RIF1: variants seen among roughly 807,000 people sequenced by gnomAD.
RIF1 encodes the protein telomere-associated protein RIF1.
Under a neutral mutation model 247.1 loss-of-function variants are expected in RIF1, and 45 were observed. The observed-to-expected ratio is 0.18, with a 90% CI of 0.14 to 0.23. The LOEUF (loss-of-function observed/expected upper bound fraction) is 0.23, where lower values mean the gene tolerates loss of function less well. RIF1 is among the 10% of genes least tolerant of loss of function. The pLI is 1.00. For missense variants in RIF1, 2,967 were observed against 2,862.5 expected, an observed-to-expected ratio of 1.04 and a Z score of -0.83; for synonymous variants, 1,087 against 978.8, an observed-to-expected ratio of 1.11 and a Z score of -2.06.
chr2:151,507,157 G>T, intron 13 of RIF1: 1 of 566,082 alleles, frequency 1.8e-6, no homozygotes, highest in South Asian at 2.5e-5. Context: ...TAGCCCAAGG[G>T]AAATTATTTG....
At chr2:151,472,314 A>C (rs1027452968) in intron 34 of RIF1, among the ~76,000 whole-genome samples, 1 of 152,208 alleles carries the variant, frequency 6.6e-6, no homozygotes, top group African/African-American at 2.4e-5. Flanking sequence ...TGTCATCTGC[A>C]AACAGGAACA....
chr2:151,462,441 A>G lies in RIF1; in HGVS notation c.3338A>G (p.Lys1113Arg). 6.4e-7 allele frequency: 1 copy of G among 1,564,560 alleles called. No individual in the cohort carries two copies. Among genetic ancestry groups the G allele is most frequent in the Non-Finnish European group, 8.7e-7 (1 of 1,153,716 alleles). The change falls in exon 29 of 36, where the codon AAG (lysine) becomes AGG (arginine). Residue 1113 changes from lysine (K) to arginine (R), a missense_variant. Around this residue, in one of 7 missense-constraint regions of RIF1, gnomAD observed 2,028 missense variants for 1,825.6 expected, o/e 1.11. Coordinates refer to ENST00000444746, the MANE Select transcript of RIF1 (RefSeq NM_018151.5). ...ATTCCTACTTTAACCAGAAAACCAA[A>G]GGAGGATTCTAAGATGATGATTACG... Reference protein sequence around the residue: ...MEIPTLTRKPKEDSKMMITEE... With the variant: ...MEIPTLTRKPREDSKMMITEE...
intron 33 of RIF1, 46 bp downstream of exon 33, chr2:151,468,802 T>G: frequency 7.8e-7 from 1 of 1,285,966 alleles, no homozygotes; most frequent in Middle Eastern, 1.8e-4. Flanking sequence ...AGATGCCACT[T>G]ATTTAAGAGG....
At chr2:151,457,631 G>A in intron 23 of RIF1, 130 bp from the exon 24 acceptor site, 1 of 628,650 alleles carries the variant, frequency 1.6e-6, no homozygotes, top group South Asian at 2.0e-5. Flanking sequence ...TTATAAAGAG[G>A]GATATATATT....
In RIF1 at chr2:151,443,196, A is replaced by G. The variant is rs566788998; in HGVS notation, c.1735-63A>G. 160 of 1,044,264 alleles carry G rather than the reference A, an allele frequency of 1.5e-4. No homozygotes were observed. In the African/African-American group the frequency reaches 1.9e-3, roughly 12 times the overall value. The allele number at this position is 1,044,264 out of a possible 1,614,324, so 64.7% of individuals were successfully genotyped here. A position where few individuals can be genotyped will look rare whatever the true frequency, so the allele number is the denominator to read the frequency against. On this transcript the variant is annotated intron_variant, in intron 16 of 35. Coordinates refer to ENST00000444746, the MANE Select transcript of RIF1 (RefSeq NM_018151.5). ...AACAATTTTATTTCTTAAATAACCAATTATAAAAAACAAATGTTCTATTCT... is the reference window on the plus strand; with the variant it reads ...AACAATTTTATTTCTTAAATAACCAGTTATAAAAAACAAATGTTCTATTCT...
intron 12 of RIF1, among the ~76,000 whole-genome samples, chr2:151,504,485 T>C (rs774803894): frequency 6.6e-6 from 1 of 152,178 alleles, no homozygotes; most frequent in Non-Finnish European, 1.5e-5. Flanking sequence ...TAAATGAAAT[T>C]TGTACCACAA....
the RIF1 span, chr2:151,516,683 A>G: frequency 1.4e-6 from 1 of 714,584 alleles, no homozygotes; most frequent in Non-Finnish European, 2.5e-6. Flanking sequence ...TTGCCACTCA[A>G]AACAGTTTCC....
chr2:151,410,502 A>C lies in RIF1; in HGVS notation c.79A>C (p.Thr27Pro). Residue 27 changes from threonine (T) to proline (P), a missense_variant, in exon 2 of 36, where the codon ACT (threonine) becomes CCT (proline). Physicochemically the swap from Thr to Pro is conservative, Grantham distance 38 (BLOSUM62 -1). Transcript: ENST00000444746. ...CCCTTCTGCCTCCCATGGAGGGCAGACTGACGCTTACCTGACTCTGACCAG... is the reference window on the plus strand; with the variant it reads ...CCCTTCTGCCTCCCATGGAGGGCAGCCTGACGCTTACCTGACTCTGACCAG... ...EDPSASHGGQ[T>P]DAYLTLTSRM... 6.2e-7 allele frequency: 1 copy of C among 1,613,960 alleles called. No individual in the cohort carries two copies. Among genetic ancestry groups the C allele is most frequent in the Non-Finnish European group, 8.5e-7 (1 of 1,179,966 alleles).
At chr2:151,512,910 G>C, downstream of RIF1, 2 of 976,298 alleles carry the variant, frequency 2.0e-6, no homozygotes, top group Non-Finnish European at 3.2e-6. Context: ...ATTTGATTAA[G>C]AGGTGAGCCA....
At chr2:151,437,051 A>G in intron 12 of RIF1, 48 bp downstream of exon 12, 3 of 1,501,942 alleles carry the variant, frequency 2.0e-6, no homozygotes, top group Non-Finnish European at 2.7e-6. Flanking sequence ...ACAGTCTAGG[A>G]CTTAATGCAT....
intron 3 of RIF1, among the ~76,000 whole-genome samples, chr2:151,411,596 T>G (rs933336345): frequency 6.6e-6 from 1 of 152,126 alleles, no homozygotes; most frequent in African/African-American, 2.4e-5. Flanking sequence ...AGAAGGGGTT[T>G]CTCCATGTTG....
Position 151,464,034 on chromosome 2 carries a change from A to G in RIF1, c.4514A>G (p.Lys1505Arg), listed in dbSNP as rs755548929. Residue 1505 changes from lysine (K) to arginine (R), a missense_variant, in exon 30 of 36, where the codon AAG becomes AGG. Around this residue, in one of 7 missense-constraint regions of RIF1, gnomAD observed 2,028 missense variants for 1,825.6 expected, o/e 1.11. Coordinates refer to ENST00000444746, the MANE Select transcript of RIF1 (RefSeq NM_018151.5). ...GCAGAAACTGAACAAAATAAAAAAAAGGCAGACCCTGAGAACATTAAGTCT... is the reference window on the plus strand; with the variant it reads ...GCAGAAACTGAACAAAATAAAAAAAGGGCAGACCCTGAGAACATTAAGTCT... ...ANAETEQNKK[K>R]ADPENIKSEG... 9 of 1,610,174 alleles carry G rather than the reference A, an allele frequency of 5.6e-6. No homozygotes were observed. The highest frequency in any genetic ancestry group is 7.6e-6 in the Non-Finnish European group (9 of 1,179,178).
At position 151,476,938 on chromosome 2, in the gene RIF1, G is replaced by A. The variant is rs1400326904; in HGVS notation, c.*1867G>A. The A allele has an allele frequency of 6.6e-6, 1 of 151,990 alleles. No homozygotes were observed. The highest frequency in any genetic ancestry group is 6.6e-5 in the Admixed American group (1 of 15,258). 9.4% of individuals were successfully genotyped at this position (151,990 alleles called of 1,614,324 possible). ...TGACTCTGTGCCTTAACGTTTGTGT[G>A]AACTAAACTTGCTGATTGAATGAAA... On this transcript the variant is annotated 3_prime_UTR_variant, in exon 36 of 36. Transcript: ENST00000444746.
chr2:151,508,217 C>T (rs1190227997), downstream of RIF1: 8 of 664,490 alleles, frequency 1.2e-5, no homozygotes, highest in Non-Finnish European at 2.0e-5. Context: ...GAGGGAAAGT[C>T]CTTTGTATTT....
intron 10 of RIF1, among the ~76,000 whole-genome samples, chr2:151,433,459 A>T (rs1690542849): frequency 6.6e-6 from 1 of 151,880 alleles, no homozygotes; most frequent in African/African-American, 2.4e-5. Flanking sequence ...ATTTATTATT[A>T]ATTTATTTAT....
At position 151,479,013 on chromosome 2, in the gene RIF1, C is replaced by T. The variant is rs933135436; in HGVS notation, c.*3942C>T. 5 of 152,196 alleles carry T rather than the reference C, an allele frequency of 3.3e-5. No homozygotes were observed. The highest frequency in any genetic ancestry group is 3.3e-4 in the Admixed American group (5 of 15,264). The allele number at this position is 152,196 out of a possible 1,614,324, so 9.4% of individuals were successfully genotyped here. On this transcript the variant is annotated 3_prime_UTR_variant, in exon 36 of 36. Transcript: ENST00000444746. Reference sequence around the variant, plus strand: ...TGATTTTTAACATAGTACTCTCAAACTTTGATGTGCATATGAACAAGTGGA... The same window carrying T: ...TGATTTTTAACATAGTACTCTCAAATTTTGATGTGCATATGAACAAGTGGA...
intron 35 of RIF1, 133 bp from the exon 36 acceptor site, chr2:151,474,724 C>T (rs751692478): frequency 3.6e-5 from 23 of 632,990 alleles, no homozygotes; most frequent in Admixed American, 1.2e-4. Flanking sequence ...TTTTTGTGTG[C>T]TTGTCCTCAT....
the RIF1 span, chr2:151,534,195 G>T: frequency 5.0e-6 from 8 of 1,597,238 alleles, no homozygotes; most frequent in Non-Finnish European, 6.9e-6. Flanking sequence ...CTGGGCCACC[G>T]GCCAGCCCCA....
chr2:151,512,600 C>A, downstream of RIF1: 1 of 731,378 alleles, frequency 1.4e-6, no homozygotes, highest in South Asian at 1.6e-5. Flanking sequence ...AGACGTGAGC[C>A]ACTGCACCTG....
Sources: allele counts gnomAD v4.1 joint callset (sites outside exome capture counted in the v4.1 genomes callset), GRCh38; gene constraint gnomAD v4.1.1; regional missense constraint gnomAD v4.1.1; transcripts MANE v1.5; gene names NCBI Gene and HGNC (gene_info 2026-07-23, HGNC 2026-07-21).